Variants in AGBL4 observed in about 807,000 individuals in gnomAD.
AGBL4 encodes AGBL carboxypeptidase 4.
In AGBL4, 58 loss-of-function variants were observed where a neutral mutation model predicts 66.4. The observed-to-expected ratio is 0.87, with a 90% confidence interval of 0.71 to 1.09. AGBL4 has a LOEUF of 1.09. Among genes scored for constraint, AGBL4 ranks in the 50% least tolerant of loss-of-function variants. The pLI is 0.00. For synonymous variants in AGBL4, 234 were observed against 222.9 expected, an observed-to-expected ratio of 1.05 and a Z score of -0.44; for missense variants, 579 against 631.0, an observed-to-expected ratio of 0.92 and a Z score of 0.88.
At chr1:49,662,227 A>G (rs1646283435) in intron 3 of AGBL4, among the ~76,000 whole-genome samples, 1 of 151,088 alleles carries the variant, frequency 6.6e-6, no homozygotes, top group Admixed American at 6.6e-5. Context: ...TATATATAAC[A>G]CATACATACA....
At chr1:49,266,624 C>A (rs75000145) in intron 3 of AGBL4, among the ~76,000 whole-genome samples, 1,955 of 151,716 alleles carry the variant, frequency 0.013, 43 homozygotes, top group African/African-American at 0.046. Flanking sequence ...CACACACACA[C>A]ACACACGCGA....
At chr1:48,991,505 A>T (rs1326116695) in intron 5 of AGBL4, among the ~76,000 whole-genome samples, 3 of 152,174 alleles carry the variant, frequency 2.0e-5, no homozygotes, top group African/African-American at 7.2e-5. Context: ...TTGTACTTGA[A>T]TATTGATAGC....
At chr1:49,157,472 A>T (rs778274235) in intron 4 of AGBL4, among the ~76,000 whole-genome samples, 12 of 152,158 alleles carry the variant, frequency 7.9e-5, no homozygotes, top group Non-Finnish European at 1.6e-4. Flanking sequence ...TTCTTTATCC[A>T]GTCTATCATT....
intron 11 of AGBL4, among the ~76,000 whole-genome samples, chr1:48,542,907 T>G (rs1459960271): frequency 2.0e-5 from 3 of 152,216 alleles, no homozygotes; most frequent in Non-Finnish European, 4.4e-5. Flanking sequence ...TCATGAAGTC[T>G]TTCGTGCTGG....
intron 3 of AGBL4, among the ~76,000 whole-genome samples, chr1:49,266,420 C>T (rs983791047): frequency 4.6e-5 from 7 of 151,984 alleles, no homozygotes; most frequent in African/African-American, 1.7e-4. Context: ...CTCTTTTCCT[C>T]AATCTGACAG....
intron 3 of AGBL4, among the ~76,000 whole-genome samples, chr1:49,436,802 C>T (rs995731232): frequency 3.3e-5 from 5 of 151,908 alleles, no homozygotes; most frequent in African/African-American, 1.2e-4. Flanking sequence ...AGAGAATAAA[C>T]GTATTCAACA....
chr1:49,784,497 C>T (rs544562435), intron 2 of AGBL4, among the ~76,000 whole-genome samples: 1 of 152,144 alleles, frequency 6.6e-6, no homozygotes, highest in African/African-American at 2.4e-5. Context: ...TCAAACCACA[C>T]ACTAAAATGA....
chr1:48,551,875 C>A (rs959969110), intron 11 of AGBL4, among the ~76,000 whole-genome samples: 1 of 151,890 alleles, frequency 6.6e-6, no homozygotes, highest in Non-Finnish European at 1.5e-5. Context: ...CAGTGCTGCC[C>A]ATCACCCTAA....
chr1:48,623,941 G>T (rs1645457311), intron 9 of AGBL4, among the ~76,000 whole-genome samples: 1 of 152,186 alleles, frequency 6.6e-6, no homozygotes, highest in South Asian at 2.1e-4. Flanking sequence ...TACCCACAGA[G>T]ACTCTTTTTT....
intron 8 of AGBL4, among the ~76,000 whole-genome samples, chr1:48,639,348 A>G (rs1027228374): frequency 6.6e-6 from 1 of 152,182 alleles, no homozygotes; most frequent in African/African-American, 2.4e-5. Flanking sequence ...AAGATGCAGG[A>G]TCCCTGGCTA....
intron 8 of AGBL4, among the ~76,000 whole-genome samples, chr1:48,640,914 G>A (rs1034912727): frequency 2.0e-5 from 3 of 152,174 alleles, no homozygotes; most frequent in African/African-American, 7.2e-5. Context: ...TAGAATGAGA[G>A]CAATGATTTC....
chr1:49,399,688 G>A (rs567053636), intron 3 of AGBL4, among the ~76,000 whole-genome samples: 1 of 151,784 alleles, frequency 6.6e-6, no homozygotes, highest in Admixed American at 6.6e-5. Context: ...TTTTAATCAC[G>A]GTATTAGCTT....
At chr1:49,433,955 G>A (rs1205821337) in intron 3 of AGBL4, among the ~76,000 whole-genome samples, 35 of 152,162 alleles carry the variant, frequency 2.3e-4, no homozygotes, top group Non-Finnish European at 2.9e-5. Flanking sequence ...CAACATCAGA[G>A]TTAGGGTGGT....
intron 3 of AGBL4, among the ~76,000 whole-genome samples, chr1:49,494,276 G>T (rs934185139): frequency 1.1e-4 from 16 of 146,224 alleles, no homozygotes; most frequent in African/African-American, 4.0e-4. Flanking sequence ...TTTGCCTTGA[G>T]TTTTTTTTTT....
chr1:49,456,637 TTGAG>T (rs1057393873), intron 3 of AGBL4, among the ~76,000 whole-genome samples: 4 of 151,650 alleles, frequency 2.6e-5, no homozygotes, highest in Non-Finnish European at 5.9e-5. Flanking sequence ...ATGAATGTTA[TTGAG>T]TGTCAATTTC....
At chr1:49,084,968 TTTG>T (rs757433958) in intron 4 of AGBL4, among the ~76,000 whole-genome samples, 7 of 152,086 alleles carry the variant, frequency 4.6e-5, no homozygotes, top group Non-Finnish European at 7.4e-5. Context: ...ATGGTTTAAT[TTTG>T]TTGTTGTTGT....
At chr1:50,009,980 T>C (rs189588313) in intron 1 of AGBL4, among the ~76,000 whole-genome samples, 6 of 152,038 alleles carry the variant, frequency 3.9e-5, no homozygotes, top group African/African-American at 1.4e-4. Context: ...CTATAAAATA[T>C]TGATCAAAGA....
At chr1:49,629,138 T>C (rs980851271) in intron 3 of AGBL4, among the ~76,000 whole-genome samples, 8 of 152,216 alleles carry the variant, frequency 5.3e-5, no homozygotes, top group African/African-American at 1.7e-4. Flanking sequence ...TCAAGCATTA[T>C]TGGAACACAG....
At chr1:49,818,775 G>C (rs764902494) in intron 2 of AGBL4, among the ~76,000 whole-genome samples, 19 of 152,206 alleles carry the variant, frequency 1.2e-4, no homozygotes, top group Non-Finnish European at 2.5e-4. Flanking sequence ...ATACAGAATG[G>C]GAAGAACAAG....
Sources: gnomAD v4.1 joint callset for allele counts (sites outside exome capture counted in the v4.1 genomes callset) on GRCh38, gnomAD v4.1.1 for gene constraint, MANE v1.5 for transcripts, NCBI Gene and HGNC (gene_info 2026-07-23, HGNC 2026-07-21) for gene names.